Variants in PCDHA13 observed in about 807,000 individuals in gnomAD.
The protein encoded by PCDHA13 is protocadherin alpha 13, also known as protocadherin alpha-13.
PCDHA13 carries 54 observed loss-of-function variants against 64.8 expected under a neutral mutation model. That is an observed-to-expected ratio of 0.83 (90% CI 0.67 to 1.04). The LOEUF is 1.04. Among genes scored for constraint, PCDHA13 ranks in the 50% least tolerant of loss-of-function variants. The probability of loss-of-function intolerance (pLI) is 0.00; values close to 1 mark genes in which losing one functional copy is unlikely to be tolerated. For synonymous variants in PCDHA13, 587 were observed against 564.4 expected, an observed-to-expected ratio of 1.04 and a Z score of -0.57; for missense variants, 1,248 against 1,254.3, an observed-to-expected ratio of 0.99 and a Z score of 0.08.
chr5:141,000,618 G>A (rs1354281260), intron 3 of PCDHA13, among the ~76,000 whole-genome samples: 1 of 150,858 alleles, frequency 6.6e-6, no homozygotes, highest in Non-Finnish European at 1.5e-5. Flanking sequence ...AGTAGAGACA[G>A]GGTTTCACCA....
intron 2 of PCDHA13, among the ~76,000 whole-genome samples, chr5:140,980,886 C>T (rs2096909899): frequency 6.6e-6 from 1 of 152,062 alleles, no homozygotes; most frequent in South Asian, 2.1e-4. Context: ...TCGGTCTTTC[C>T]AGTCTTGGAC....
In PCDHA13 at chr5:140,882,320, C is replaced by T. The variant is rs374687530; in HGVS notation, c.52C>T (p.Leu18Phe). The T allele has an allele frequency of 2.8e-5, 45 of 1,614,182 alleles. No homozygotes were observed. The African/African-American group carries it at 5.6e-4, about 20-fold the overall frequency. Residue 18 changes from leucine to phenylalanine, a missense_variant, in exon 1 of 4, where the codon CTT (leucine) becomes TTT (phenylalanine). Leu to Phe is a conservative substitution (Grantham distance 22). Coordinates refer to ENST00000289272, the MANE Select transcript of PCDHA13 (RefSeq NM_018904.3). ...GPRPRQLLLW[L>F]LILAAWETGS... ...AAGACCGCGGCAACTACTGCTCTGG[C>T]TTCTGATCCTCGCAGCCTGGGAGAC... is the stretch of plus-strand genomic sequence containing the variant.
intron 1 of PCDHA13, among the ~76,000 whole-genome samples, chr5:140,969,831 G>A (rs559083785): frequency 3.9e-4 from 60 of 152,296 alleles, no homozygotes; most frequent in African/African-American, 1.4e-3. Context: ...TGTCTACAGT[G>A]GAAATTATCT....
intron 1 of PCDHA13, among the ~76,000 whole-genome samples, chr5:140,894,679 C>A (rs1227870690): frequency 6.6e-6 from 1 of 151,682 alleles, no homozygotes; most frequent in African/African-American, 2.4e-5. Context: ...TCTTGCATAG[C>A]TTTTCATTAT....
rs782344407 is a variant in PCDHA13 at position 140,928,808 on chromosome 5, G to T, written c.2394+44146G>T. 3.7e-6 allele frequency: 6 copies of T among 1,614,062 alleles called. No homozygotes were observed. In the Admixed American group the frequency reaches 1.0e-4, roughly 27 times the overall value. The stretch of plus-strand genomic sequence containing the variant: ...AAGCAGAGGGTGGTGGTAGTGGTTC[G>T]GGACCATGGAGACCCACCACTTTCC... On this transcript the variant is annotated intron_variant, in intron 1 of 3. Coordinates refer to ENST00000289272, the MANE Select transcript of PCDHA13 (RefSeq NM_018904.3).
rs572205670 is a variant in PCDHA13 at position 140,933,229 on chromosome 5, G to A, written c.2395-45720G>A. ...TACATGTCTGTTATATTGCATTTAT[G>A]AAAAAGAAAGGACTATAAACACAAA... On this transcript the variant is annotated intron_variant, in intron 1 of 3. Coordinates refer to ENST00000289272, the MANE Select transcript of PCDHA13 (RefSeq NM_018904.3). Among the ~76,000 whole-genome samples, 114 of 151,958 alleles carry A rather than the reference G, an allele frequency of 7.5e-4. 1 individual carries two copies. The highest frequency in any genetic ancestry group is 1.5e-3 in the Non-Finnish European group (99 of 67,810).
At chr5:140,991,740 GCT>G (rs1175946938) in intron 3 of PCDHA13, among the ~76,000 whole-genome samples, 3 of 152,200 alleles carry the variant, frequency 2.0e-5, no homozygotes, top group African/African-American at 7.2e-5. Context: ...GGTAATGTAG[GCT>G]CTTTCTATCA....
chr5:141,000,395 C>CTCTATAAATA (rs1213762225), intron 3 of PCDHA13, among the ~76,000 whole-genome samples: 2 of 53,986 alleles, frequency 3.7e-5, no homozygotes, highest in African/African-American at 1.5e-4. Flanking sequence ...CTCTCTCTCT[C>CTCTATAAATA]TATATATATA....
Position 140,884,552 on chromosome 5 carries a change from G to A in PCDHA13, c.2284G>A (p.Glu762Lys), listed in dbSNP as rs1554181720. 6.2e-7 allele frequency: 1 copy of A among 1,614,142 alleles called. No homozygotes were observed. Among genetic ancestry groups the A allele is most frequent in the East Asian group, 2.2e-5 (1 of 44,876 alleles). The change falls in exon 1 of 4, where the codon GAG (glutamate) becomes AAG (lysine). Residue 762 changes from glutamate to lysine, a missense_variant. Glu to Lys is a moderately conservative substitution (Grantham distance 56). Transcript: ENST00000289272. ...QQRRPRVCSGEGPHKTDLMAF... is the reference protein window; with the variant it reads ...QQRRPRVCSGKGPHKTDLMAF... The stretch of plus-strand genomic sequence containing the variant: ...GAGGCGGCCGAGGGTGTGCTCTGGG[G>A]AGGGCCCGCATAAGACGGACCTCAT...
At chr5:140,937,769 G>A (rs908179495) in intron 1 of PCDHA13, among the ~76,000 whole-genome samples, 44 of 151,776 alleles carry the variant, frequency 2.9e-4, no homozygotes, top group African/African-American at 9.4e-4. Context: ...AAAATTAGTC[G>A]GGCGTGGTGG....
intron 1 of PCDHA13, among the ~76,000 whole-genome samples, chr5:140,955,118 G>C (rs2095139401): frequency 6.6e-6 from 1 of 152,058 alleles, no homozygotes; most frequent in African/African-American, 2.4e-5. Flanking sequence ...TCTCTATTCT[G>C]TTCCACTGGT....
chr5:140,927,997 C>T (rs139322203), intron 1 of PCDHA13: 298 of 1,614,182 alleles, frequency 1.8e-4, no homozygotes, highest in Admixed American at 5.8e-4. Context: ...GGATGAAGAC[C>T]TCGATTCTAA....
At chr5:140,977,307 G>C (rs1023836424) in intron 1 of PCDHA13, among the ~76,000 whole-genome samples, 1 of 152,186 alleles carries the variant, frequency 6.6e-6, no homozygotes, top group Admixed American at 6.5e-5. Flanking sequence ...ACAAGCTAAC[G>C]ATAGTGCTCC....
At chr5:140,958,294 A>G (rs1324756311) in intron 1 of PCDHA13, among the ~76,000 whole-genome samples, 1 of 152,142 alleles carries the variant, frequency 6.6e-6, no homozygotes, top group African/African-American at 2.4e-5. Context: ...ATATTATTGA[A>G]CTTAATTAAA....
chr5:140,920,745 G>T (rs2079798907), intron 1 of PCDHA13, among the ~76,000 whole-genome samples: 1 of 151,878 alleles, frequency 6.6e-6, no homozygotes, highest in Admixed American at 6.6e-5. Flanking sequence ...TCAGGAGGCT[G>T]AGGCAGGAGA....
At chr5:140,905,842 T>C (rs2072141061) in intron 1 of PCDHA13, among the ~76,000 whole-genome samples, 1 of 152,148 alleles carries the variant, frequency 6.6e-6, no homozygotes, top group Non-Finnish European at 1.5e-5. Flanking sequence ...GGGGAGTTTA[T>C]TAAGGAGTAT....
chr5:140,888,239 C>G (rs1361679058), intron 1 of PCDHA13, among the ~76,000 whole-genome samples: 3 of 151,992 alleles, frequency 2.0e-5, no homozygotes, highest in Non-Finnish European at 4.4e-5. Flanking sequence ...TGTGCGTGTT[C>G]CTTTAAAGCA....
chr5:140,908,604 C>T (rs1011069667), intron 1 of PCDHA13, among the ~76,000 whole-genome samples: 10 of 152,114 alleles, frequency 6.6e-5, no homozygotes, highest in African/African-American at 2.2e-4. Flanking sequence ...GATGGAAGGG[C>T]CTTGCTCCAA....
At chr5:140,928,337 AT>A (rs549164954) in intron 1 of PCDHA13, 7 of 1,613,944 alleles carry the variant, frequency 4.3e-6, no homozygotes, top group Non-Finnish European at 5.9e-6. Flanking sequence ...CTTGTCTCTT[AT>A]GAGCTGTTGG....
Sources: allele counts gnomAD v4.1 joint callset (sites outside exome capture counted in the v4.1 genomes callset), GRCh38; gene constraint gnomAD v4.1.1; transcripts MANE v1.5; gene names NCBI Gene and HGNC (gene_info 2026-07-23, HGNC 2026-07-21).